TBC1D5: variants seen among roughly 807,000 people sequenced by gnomAD.
The protein encoded by TBC1D5 is TBC1 domain family, member 5.
TBC1D5 carries 75 observed loss-of-function variants against 100.3 expected under a neutral mutation model. The ratio of observed to expected loss-of-function variants is 0.75; its 90% CI spans 0.62 to 0.91. The LOEUF (loss-of-function observed/expected upper bound fraction) is 0.91, where lower values mean the gene tolerates loss of function less well. Among genes scored for constraint, TBC1D5 ranks in the 40% least tolerant of loss-of-function variants. The probability of loss-of-function intolerance (pLI) is 0.00; values close to 1 mark genes in which losing one functional copy is unlikely to be tolerated. For missense variants in TBC1D5, 910 were observed against 942.4 expected, an observed-to-expected ratio of 0.97 and a Z score of 0.45; for synonymous variants, 323 against 325.6, an observed-to-expected ratio of 0.99 and a Z score of 0.09.
At chr3:17,406,263 A>G (rs2093766737) in intron 5 of TBC1D5, among the ~76,000 whole-genome samples, 155 bp downstream of exon 5, 1 of 152,104 alleles carries the variant, frequency 6.6e-6, no homozygotes, top group Admixed American at 6.6e-5. Context: ...CTTATTAGTA[A>G]ATGTCCTATG....
intron 18 of TBC1D5, among the ~76,000 whole-genome samples, chr3:17,190,571 A>T (rs190610241): frequency 6.6e-6 from 1 of 152,280 alleles, no homozygotes; most frequent in Non-Finnish European, 1.5e-5. Context: ...TCTTCTGTTC[A>T]TCCCTGTTGC....
At chr3:17,197,453 C>T (rs188050735) in intron 18 of TBC1D5, among the ~76,000 whole-genome samples, 2 of 152,166 alleles carry the variant, frequency 1.3e-5, no homozygotes, top group South Asian at 4.1e-4. Context: ...CATGGCTCAT[C>T]GCAGCCCTGA....
chr3:17,374,935 C>A (rs1234898183), intron 10 of TBC1D5, among the ~76,000 whole-genome samples: 1 of 152,118 alleles, frequency 6.6e-6, no homozygotes, highest in African/African-American at 2.4e-5. Flanking sequence ...CAGAATTTGA[C>A]AATATATTCC....
At chr3:17,371,205 G>A (rs2092436840) in intron 13 of TBC1D5, among the ~76,000 whole-genome samples, 1 of 151,992 alleles carries the variant, frequency 6.6e-6, no homozygotes, top group African/African-American at 2.4e-5. Flanking sequence ...GTCTCTGAGA[G>A]GCATCTATCT....
chr3:17,181,079 C>G (rs2125429096), intron 19 of TBC1D5, among the ~76,000 whole-genome samples: 1 of 152,224 alleles, frequency 6.6e-6, no homozygotes, highest in South Asian at 2.1e-4. Flanking sequence ...TAGCCTGTAC[C>G]CCAGTGCATA....
chr3:17,216,619 G>T (rs960405497), intron 17 of TBC1D5, among the ~76,000 whole-genome samples: 2 of 152,056 alleles, frequency 1.3e-5, no homozygotes, highest in Non-Finnish European at 2.9e-5. Context: ...TAAGGGCCTA[G>T]ACTATGAAAA....
intron 2 of TBC1D5, among the ~76,000 whole-genome samples, chr3:17,554,805 C>T (rs2096502135): frequency 6.6e-6 from 1 of 152,060 alleles, no homozygotes; most frequent in Non-Finnish European, 1.5e-5. Context: ...ATTCATAAAG[C>T]CCTTCCATTA....
In TBC1D5 at chr3:17,626,213, C is replaced by CA. The variant is rs796251708; in HGVS notation, c.-100-2301dup. The stretch of plus-strand genomic sequence containing the variant: ...TCAATTTTCTAGGTTTTCTGATTGT[C>CA]AAAAAAAATGACAAACCACATTCTT... On this transcript the variant is annotated intron_variant, in intron 1 of 21. Coordinates refer to ENST00000253692, the Ensembl canonical transcript of TBC1D5. Among the ~76,000 whole-genome samples the CA allele has an allele frequency of 3.6e-3, 542 of 151,620 alleles. 4 individuals carry two copies. Among genetic ancestry groups the CA allele is most frequent in the African/African-American group, 0.012 (507 of 41,390 alleles).
chr3:17,492,501 C>A (rs566850756), intron 3 of TBC1D5, among the ~76,000 whole-genome samples: 2 of 152,072 alleles, frequency 1.3e-5, no homozygotes, highest in East Asian at 1.9e-4. Flanking sequence ...GTGGCACAAC[C>A]TTGGCTCACC....
intron 1 of TBC1D5, among the ~76,000 whole-genome samples, chr3:17,670,593 T>C (rs1008942138): frequency 2.0e-5 from 3 of 152,242 alleles, no homozygotes; most frequent in Non-Finnish European, 2.9e-5. Context: ...GCAACAGTGG[T>C]TCTCTATCAA....
chr3:17,164,259 G>A (rs1018434208), intron 21 of TBC1D5, among the ~76,000 whole-genome samples: 1 of 152,210 alleles, frequency 6.6e-6, no homozygotes, highest in Admixed American at 6.5e-5. Context: ...GAAGGGCATC[G>A]GCAGGAGGAC....
intron 4 of TBC1D5, among the ~76,000 whole-genome samples, chr3:17,427,018 T>C (rs1396363122): frequency 1.3e-5 from 2 of 152,062 alleles, no homozygotes; most frequent in African/African-American, 4.8e-5. Flanking sequence ...TCATATTTAC[T>C]TTTTTGGTTA....
intron 13 of TBC1D5, among the ~76,000 whole-genome samples, chr3:17,361,214 A>G (rs1320681540): frequency 6.6e-6 from 1 of 152,046 alleles, no homozygotes; most frequent in Non-Finnish European, 1.5e-5. Flanking sequence ...ACGAAAGCAA[A>G]AGCTGAGTTG....
At chr3:17,732,518 A>G (rs939434405) in intron 1 of TBC1D5, among the ~76,000 whole-genome samples, 3 of 151,980 alleles carry the variant, frequency 2.0e-5, no homozygotes, top group African/African-American at 7.2e-5. Context: ...CGGGAGTTCA[A>G]GAACAGCCTG....
chr3:17,163,622 G>A (rs779158932), intron 21 of TBC1D5, among the ~76,000 whole-genome samples: 1 of 152,092 alleles, frequency 6.6e-6, no homozygotes, highest in East Asian at 1.9e-4. Context: ...CACCTTCCCA[G>A]ACCTACCTCA....
In TBC1D5 at chr3:17,576,030, T is replaced by C. The variant is rs145236362; in HGVS notation, c.-36+47819A>G. Among the ~76,000 whole-genome samples the C allele has an allele frequency of 9.1e-3, 1,380 of 152,224 alleles. 86 individuals are homozygous for C. The highest frequency in any genetic ancestry group is 0.072 in the Admixed American group (1,102 of 15,258). ...GTTCCATTACTGACAAATTCCAAAA[T>C]GTTCAGTTACTAAGAATAGAACTCT... On this transcript the variant is annotated intron_variant, in intron 2 of 21. Transcript: ENST00000253692.
At chr3:17,642,651 A>G (rs1442856541) in intron 1 of TBC1D5, among the ~76,000 whole-genome samples, 9 of 152,284 alleles carry the variant, frequency 5.9e-5, no homozygotes, top group African/African-American at 2.2e-4. Context: ...TCAAAGGATG[A>G]TTAGGAGAAA....
intron 17 of TBC1D5, among the ~76,000 whole-genome samples, chr3:17,229,051 G>A (rs920326983): frequency 1.3e-5 from 2 of 152,112 alleles, no homozygotes; most frequent in Non-Finnish European, 2.9e-5. Flanking sequence ...AAATAGACAG[G>A]CAGAACCCCA....
chr3:17,489,761 T>A (rs572778689), intron 3 of TBC1D5, among the ~76,000 whole-genome samples: 6 of 152,224 alleles, frequency 3.9e-5, no homozygotes, highest in Non-Finnish European at 8.8e-5. Context: ...CTATCACTAA[T>A]GGGCATCTGG....
Sources: gnomAD v4.1 joint callset for allele counts (sites outside exome capture counted in the v4.1 genomes callset) on GRCh38, gnomAD v4.1.1 for gene constraint, MANE v1.5 for transcripts, NCBI Gene and HGNC (gene_info 2026-07-23, HGNC 2026-07-21) for gene names.